The following MPP7 variants were observed in gnomAD, a reference collection of about 807,000 sequenced individuals.
MPP7 encodes MAGUK p55 scaffold protein 7.
In MPP7, 60 loss-of-function variants were observed where a neutral mutation model predicts 76.5. The observed-to-expected ratio is 0.78, with a 90% CI of 0.64 to 0.97. MPP7 has a LOEUF of 0.97. Among genes scored for constraint, MPP7 ranks in the 50% least tolerant of loss-of-function variants. The pLI, the probability that MPP7 is intolerant of heterozygous loss-of-function variation, is 0.00. For missense variants in MPP7, 641 were observed against 694.0 expected, an observed-to-expected ratio of 0.92 and a Z score of 0.86; for synonymous variants, 237 against 244.5, an observed-to-expected ratio of 0.97 and a Z score of 0.29.
At chr10:28,155,306 A>C (rs1836015261) in intron 3 of MPP7, among the ~76,000 whole-genome samples, 1 of 152,148 alleles carries the variant, frequency 6.6e-6, no homozygotes, top group Non-Finnish European at 1.5e-5. Flanking sequence ...ATAGCCATTA[A>C]AGGCCAAGTG....
At chr10:28,130,380 TAGGTCATCC>T (rs1230232109) in intron 6 of MPP7, among the ~76,000 whole-genome samples, 1 of 152,152 alleles carries the variant, frequency 6.6e-6, no homozygotes, top group Non-Finnish European at 1.5e-5. Flanking sequence ...AACTCCCACT[TAGGTCATCC>T]AGTGCAAGCT....
At chr10:28,135,410 T>C (rs1564650742) in intron 5 of MPP7, among the ~76,000 whole-genome samples, 1 of 152,206 alleles carries the variant, frequency 6.6e-6, no homozygotes, top group African/African-American at 2.4e-5. Context: ...TTGTACTCCC[T>C]TGGAGCCATT....
At chr10:28,257,771 C>T (rs1430618599) in intron 1 of MPP7, among the ~76,000 whole-genome samples, 3 of 150,596 alleles carry the variant, frequency 2.0e-5, no homozygotes, top group African/African-American at 4.9e-5. Flanking sequence ...GAAAAGAAAG[C>T]TTGTTTCCAT....
At chr10:28,063,910 A>C (rs188001288) in intron 13 of MPP7, among the ~76,000 whole-genome samples, 2 of 152,206 alleles carry the variant, frequency 1.3e-5, no homozygotes, top group Non-Finnish European at 2.9e-5. Context: ...TACTTACTAC[A>C]TTGACAAAAG....
intron 13 of MPP7, among the ~76,000 whole-genome samples, chr10:28,060,333 A>C (rs1851729079): frequency 6.6e-6 from 1 of 152,192 alleles, no homozygotes; most frequent in South Asian, 2.1e-4. Context: ...ATTATTTATT[A>C]ACGAACTAAA....
intron 11 of MPP7, among the ~76,000 whole-genome samples, chr10:28,093,631 G>C (rs1273709315): frequency 9.2e-5 from 14 of 151,974 alleles, no homozygotes; most frequent in Non-Finnish European, 2.9e-5. Flanking sequence ...ATTTTTAGTA[G>C]AGATGGGGTT....
At chr10:28,240,216 A>G (rs1310325048) in intron 1 of MPP7, among the ~76,000 whole-genome samples, 3 of 152,158 alleles carry the variant, frequency 2.0e-5, no homozygotes, top group Non-Finnish European at 4.4e-5. Context: ...TATTTTTAAC[A>G]TATATTAACA....
intron 3 of MPP7, among the ~76,000 whole-genome samples, chr10:28,166,114 G>A (rs11006902): frequency 0.16 from 24,323 of 150,906 alleles, 2,275 homozygotes; most frequent in East Asian, 0.38. Context: ...TTTAAATCCT[G>A]ATGTACCTTA....
At chr10:28,155,330 C>T (rs1045931619) in intron 3 of MPP7, among the ~76,000 whole-genome samples, 20 of 152,166 alleles carry the variant, frequency 1.3e-4, no homozygotes, top group African/African-American at 2.2e-4. Flanking sequence ...TGGCTCACAC[C>T]GGTAAGCCCA....
rs145594070 is a variant in MPP7 at position 28,167,401 on chromosome 10, A to G, written c.157-17342T>C. On this transcript the variant is annotated intron_variant, in intron 3 of 16. Coordinates refer to ENST00000683449, the MANE Select transcript of MPP7 (RefSeq NM_001318170.2). Reference sequence around the variant, plus strand: ...AAAGCCAAACTGCATGTTCTCACTTATAAGTGGGAACTAACCACTGGGTAC... The same window carrying G: ...AAAGCCAAACTGCATGTTCTCACTTGTAAGTGGGAACTAACCACTGGGTAC... 1.1e-3 allele frequency among the ~76,000 whole-genome samples: 170 copies of G among 152,312 alleles called. 1 individual carries two copies. The highest frequency in any genetic ancestry group is 2.0e-3 in the Admixed American group (31 of 15,302).
chr10:28,126,642 T>C (rs978886573), intron 6 of MPP7, among the ~76,000 whole-genome samples: 2 of 152,210 alleles, frequency 1.3e-5, no homozygotes, highest in Admixed American at 1.3e-4. Flanking sequence ...TCATTCTGTC[T>C]ATGAGTTCAT....
rs1851362682 is a variant in MPP7 at position 28,051,619 on chromosome 10, G to A, written c.*2446C>T. On this transcript the variant is annotated 3_prime_UTR_variant, in exon 17 of 17. Transcript: ENST00000683449. ...TGCTATTCTCCTTGCTGGAGAAGGA[G>A]GCTGGGGGAAGAAAGTACAGAATTC... is the stretch of plus-strand genomic sequence containing the variant. 1.3e-5 allele frequency: 2 copies of A among 152,158 alleles called. No individual in the cohort carries two copies. Among genetic ancestry groups the A allele is most frequent in the South Asian group, 4.1e-4 (2 of 4,824 alleles). 9.4% of individuals were successfully genotyped at this position (152,158 alleles called of 1,614,324 possible).
chr10:28,078,876 A>C (rs1564619759), intron 12 of MPP7, among the ~76,000 whole-genome samples: 1 of 152,228 alleles, frequency 6.6e-6, no homozygotes, highest in African/African-American at 2.4e-5. Flanking sequence ...AGCCCATTTA[A>C]GGTGTCGATA....
chr10:28,176,139 A>G (rs1040670359), intron 3 of MPP7, among the ~76,000 whole-genome samples: 1 of 152,174 alleles, frequency 6.6e-6, no homozygotes. Context: ...CCAATACAGT[A>G]TTTAACAAGA....
At chr10:28,205,351 A>G (rs1454076411) in intron 2 of MPP7, among the ~76,000 whole-genome samples, 1 of 152,210 alleles carries the variant, frequency 6.6e-6, no homozygotes. Flanking sequence ...TCCTATACTC[A>G]GTTCCTAAAG....
At chr10:28,211,724 C>A (rs1342361680) in intron 2 of MPP7, among the ~76,000 whole-genome samples, 1 of 151,962 alleles carries the variant, frequency 6.6e-6, no homozygotes, top group Non-Finnish European at 1.5e-5. Context: ...AGTATATAAA[C>A]CACCAGAGTA....
chr10:28,104,256 A>C (rs1210401065), intron 11 of MPP7, among the ~76,000 whole-genome samples: 1 of 152,186 alleles, frequency 6.6e-6, no homozygotes, highest in Non-Finnish European at 1.5e-5. Context: ...AAAAGAGCTC[A>C]TCAAATTAAC....
At chr10:28,317,203 T>A (rs748252082) in intron 2 of MPP7, among the ~76,000 whole-genome samples, 1 of 152,160 alleles carries the variant, frequency 6.6e-6, no homozygotes, top group Non-Finnish European at 1.5e-5. Context: ...TCCCAGAATT[T>A]ACAAAATTTT....
chr10:28,170,780 C>T (rs1032721753), intron 3 of MPP7, among the ~76,000 whole-genome samples: 2 of 152,088 alleles, frequency 1.3e-5, no homozygotes, highest in African/African-American at 2.4e-5. Context: ...ACCACTGAAT[C>T]TGTCGGTTTC....
Sources: allele counts gnomAD v4.1 joint callset (sites outside exome capture counted in the v4.1 genomes callset), GRCh38; gene constraint gnomAD v4.1.1; transcripts MANE v1.5; gene names NCBI Gene and HGNC (gene_info 2026-07-23, HGNC 2026-07-21).